Variants in TXNL4A observed in about 807,000 individuals in gnomAD.
The protein encoded by TXNL4A is thioredoxin like 4A.
A neutral mutation model predicts 14.6 loss-of-function variants in TXNL4A; 17 were observed. That is an observed-to-expected ratio of 1.16 (90% CI 0.80 to 1.74). The LOEUF (loss-of-function observed/expected upper bound fraction) is 1.74, where lower values mean the gene tolerates loss of function less well. Among genes scored for constraint, TXNL4A ranks in the 40% most tolerant of loss-of-function variants. The pLI, the probability that TXNL4A is intolerant of heterozygous loss-of-function variation, is 0.00. For synonymous variants in TXNL4A, 83 were observed against 70.6 expected (o/e 1.18, Z -0.88); for missense variants, 74 against 195.2 (o/e 0.38, Z 3.70).
intron 1 of TXNL4A, among the ~76,000 whole-genome samples, chr18:80,007,265 C>A (rs541044172): frequency 1.3e-5 from 2 of 152,170 alleles, no homozygotes; most frequent in South Asian, 4.2e-4. Context: ...CTGGGAGCAT[C>A]GGCAAGCTAC....
chr18:79,989,531 A>G (rs1238083963), upstream of TXNL4A, among the ~76,000 whole-genome samples: 1 of 152,214 alleles, frequency 6.6e-6, no homozygotes, highest in Non-Finnish European at 1.5e-5. Flanking sequence ...AACTTTCTCA[A>G]AGAGAAATAA....
intron 1 of TXNL4A, among the ~76,000 whole-genome samples, chr18:80,009,875 A>G (rs976619108): frequency 2.0e-5 from 3 of 152,066 alleles, no homozygotes; most frequent in African/African-American, 7.2e-5. Flanking sequence ...CACTTGAGGC[A>G]TTTTTCCCTT....
intron 1 of TXNL4A, among the ~76,000 whole-genome samples, chr18:80,008,379 C>T (rs970938925): frequency 4.6e-5 from 7 of 152,154 alleles, no homozygotes; most frequent in African/African-American, 1.4e-4. Context: ...CCCCTGCCAT[C>T]CATCCCACAG....
At chr18:80,030,341 G>A (rs891894920) in intron 1 of TXNL4A, among the ~76,000 whole-genome samples, 1 of 152,226 alleles carries the variant, frequency 6.6e-6, no homozygotes, top group African/African-American at 2.4e-5. Context: ...TGCCTTGTCT[G>A]ATTTAACACC....
chr18:80,020,489 A>AT (rs1194463081), intron 1 of TXNL4A, among the ~76,000 whole-genome samples: 6 of 152,206 alleles, frequency 3.9e-5, no homozygotes, highest in Non-Finnish European at 7.3e-5. Flanking sequence ...CAAGCTGGCC[A>AT]TTTTTTAGCC....
chr18:80,025,359 A>G (rs2051877611), intron 1 of TXNL4A, among the ~76,000 whole-genome samples: 1 of 152,182 alleles, frequency 6.6e-6, no homozygotes, highest in African/African-American at 2.4e-5. Context: ...CTCCCACTGT[A>G]CCCTGACCTC....
At chr18:79,988,586 T>A, upstream of TXNL4A, 2 of 490,492 alleles carry the variant, frequency 4.1e-6, no homozygotes, top group Non-Finnish European at 6.3e-6. Flanking sequence ...ACCGACGCCG[T>A]GCGTGCTGAC....
chr18:80,003,342 G>T (rs1337999596), intron 1 of TXNL4A, among the ~76,000 whole-genome samples: 1 of 152,242 alleles, frequency 6.6e-6, no homozygotes, highest in Admixed American at 6.5e-5. Context: ...TTCAGGGTGT[G>T]TGCCTGCTGC....
intron 1 of TXNL4A, among the ~76,000 whole-genome samples, chr18:80,016,181 T>C (rs1248532105): frequency 6.6e-5 from 10 of 151,498 alleles, no homozygotes; most frequent in African/African-American, 2.4e-4. Context: ...TGTCTGTTCA[T>C]ATCCTTTGCC....
chr18:80,012,151 T>C (rs12605552), intron 1 of TXNL4A, among the ~76,000 whole-genome samples: 115,911 of 152,094 alleles, frequency 0.76, 44,907 homozygotes, highest in East Asian at 0.91. Flanking sequence ...CCCAATAATT[T>C]TGATAGAAAT....
intron 1 of TXNL4A, among the ~76,000 whole-genome samples, chr18:80,021,656 G>A (rs991923281): frequency 7.2e-5 from 11 of 152,202 alleles, no homozygotes; most frequent in African/African-American, 2.7e-4. Context: ...TTAACAAGAT[G>A]GAGGTTCTGA....
intron 1 of TXNL4A, among the ~76,000 whole-genome samples, chr18:79,979,825 T>A (rs181227301): frequency 1.3e-5 from 2 of 152,216 alleles, no homozygotes; most frequent in Admixed American, 1.3e-4. Context: ...TAAAGACAAA[T>A]TCCTAAAATT....
At chr18:80,031,188 T>A (rs764353083) in intron 1 of TXNL4A, among the ~76,000 whole-genome samples, 2 of 152,202 alleles carry the variant, frequency 1.3e-5, no homozygotes, top group Non-Finnish European at 2.9e-5. Context: ...AGTCAAAATG[T>A]TCCTTTGTGC....
intron 1 of TXNL4A, among the ~76,000 whole-genome samples, chr18:79,984,880 A>T (rs777857431): frequency 5.3e-5 from 8 of 152,248 alleles, no homozygotes; most frequent in Non-Finnish European, 1.0e-4. Flanking sequence ...AGTGAACCCC[A>T]AGCACTGCTG....
chr18:80,029,001 C>G (rs1031446869), intron 1 of TXNL4A, among the ~76,000 whole-genome samples: 3 of 152,222 alleles, frequency 2.0e-5, no homozygotes, highest in South Asian at 2.1e-4. Context: ...AGCCCCAATC[C>G]AGGACCAAAC....
intron 1 of TXNL4A, 53 bp downstream of exon 1, chr18:79,988,187 G>C: frequency 7.0e-7 from 1 of 1,428,144 alleles, no homozygotes; most frequent in Non-Finnish European, 9.4e-7. Flanking sequence ...GGGCAGAGGC[G>C]CGGGGCAGAT....
intron 1 of TXNL4A, among the ~76,000 whole-genome samples, chr18:80,006,999 G>A (rs963015082): frequency 2.0e-5 from 3 of 152,314 alleles, no homozygotes; most frequent in East Asian, 3.9e-4. Flanking sequence ...GAACCTCCAT[G>A]TTGAACATAC....
rs1170290079 is a variant in TXNL4A, at chr18:80,011,805, T to C, written c.-61+22046A>G. On this transcript the variant is annotated intron_variant, in intron 1 of 2. Transcript: ENST00000585474. The surrounding 1 kb of genome is among the most constrained non-coding windows in gnomAD (Gnocchi z 4.1). ...TTTTTAAGAACTATATATATATATT[T>C]TATGTGAAGTTTACTCTCTATAAAG... is the stretch of plus-strand genomic sequence containing the variant. Among the ~76,000 whole-genome samples, 2 of 152,174 alleles carry C rather than the reference T, an allele frequency of 1.3e-5. No homozygotes were observed. The highest frequency in any genetic ancestry group is 3.8e-4 in the East Asian group (2 of 5,196).
rs966229718 is a variant in TXNL4A, at chr18:79,972,274, G to A, written c.*1411C>T. ...GCTCAGAGAAGGTACCCTGCCCAAG[G>A]TCACTTGGTGGGGCAGAGCCTGGGT... On this transcript the variant is annotated 3_prime_UTR_variant, in exon 3 of 3. Coordinates refer to ENST00000269601, the MANE Select transcript of TXNL4A (RefSeq NM_006701.5). The A allele has an allele frequency of 6.6e-6, 1 of 152,224 alleles. No individual in the cohort carries two copies. Among genetic ancestry groups the A allele is most frequent in the Admixed American group, 6.5e-5 (1 of 15,272 alleles). The allele number at this position is 152,224 out of a possible 1,614,324, so 9.4% of individuals were successfully genotyped here.
Sources: gnomAD v4.1 joint callset for allele counts (sites outside exome capture counted in the v4.1 genomes callset) on GRCh38, gnomAD v4.1.1 for gene constraint, Gnocchi (gnomAD v3.1) non-coding constraint, MANE v1.5 for transcripts, NCBI Gene and HGNC (gene_info 2026-07-23, HGNC 2026-07-21) for gene names.